The following LRRC38 variants were observed in gnomAD, a reference collection of about 807,000 sequenced individuals.
LRRC38 encodes leucine-rich repeat-containing protein 38.
Under a neutral mutation model 16.4 loss-of-function variants are expected in LRRC38, and 5 were observed. The ratio of observed to expected loss-of-function variants is 0.31; its 90% CI spans 0.16 to 0.64. The LOEUF (loss-of-function observed/expected upper bound fraction) is 0.64. Among genes scored for constraint, LRRC38 ranks in the 30% least tolerant of loss-of-function variants. The pLI is 0.80. For missense variants in LRRC38, 341 were observed against 401.8 expected, an observed-to-expected ratio of 0.85 and a Z score of 1.29; for synonymous variants, 191 against 190.2, an observed-to-expected ratio of 1.00 and a Z score of -0.04.
At chr1:13,505,408 G>A (rs1472838579) in intron 1 of LRRC38, among the ~76,000 whole-genome samples, 3 of 152,184 alleles carry the variant, frequency 2.0e-5, no homozygotes, top group African/African-American at 7.2e-5. Context: ...AAGGCAATCC[G>A]GATATGCTTT....
chr1:13,481,976 T>C (rs1030185180), intron 1 of LRRC38, among the ~76,000 whole-genome samples: 5 of 152,144 alleles, frequency 3.3e-5, no homozygotes, highest in Admixed American at 3.3e-4. Flanking sequence ...CACCAATCTA[T>C]GGTGTTTTCT....
At chr1:13,477,980 T>C (rs1481578972) in intron 1 of LRRC38, among the ~76,000 whole-genome samples, 1 of 152,180 alleles carries the variant, frequency 6.6e-6, no homozygotes, top group Non-Finnish European at 1.5e-5. Flanking sequence ...ATAAATATTA[T>C]GAACAGAGCC....
Position 13,513,567 on chromosome 1 carries a change from G to T in LRRC38, c.27C>A (p.Ala9=). The change falls in exon 1 of 2, where the codon GCC becomes GCA. Residue 9 remains alanine, a synonymous_variant. Transcript: ENST00000376085. The part of the protein sequence containing the change: MRPRAPAC[A]AAALGLCSLL... ...GGCTGCAGAGCCCGAGCGCCGCGGCGGCGCAGGCTGGGGCTCGGGGGCGCA... is the reference window on the plus strand; with the variant it reads ...GGCTGCAGAGCCCGAGCGCCGCGGCTGCGCAGGCTGGGGCTCGGGGGCGCA... 8.3e-7 allele frequency: 1 copy of T among 1,212,094 alleles called. No individual in the cohort carries two copies. The highest frequency in any genetic ancestry group is 4.0e-5 in the South Asian group (1 of 24,980). The allele number at this position is 1,212,094 out of a possible 1,614,324, so 75.1% of individuals were successfully genotyped here.
intron 1 of LRRC38, among the ~76,000 whole-genome samples, chr1:13,481,810 T>TCC (rs1638873355): frequency 1.4e-5 from 2 of 139,314 alleles, no homozygotes; most frequent in Non-Finnish European, 3.1e-5. Flanking sequence ...TCTCTCTCTC[T>TCC]CTCTCTCTCT....
intron 1 of LRRC38, among the ~76,000 whole-genome samples, chr1:13,485,889 C>T (rs1638926280): frequency 6.6e-6 from 1 of 152,194 alleles, no homozygotes; most frequent in African/African-American, 2.4e-5. Context: ...GGGCTCCCTC[C>T]AAAGGTTCTG....
chr1:13,481,454 T>C (rs2100490846), intron 1 of LRRC38, among the ~76,000 whole-genome samples: 1 of 151,624 alleles, frequency 6.6e-6, no homozygotes, highest in East Asian at 1.9e-4. Context: ...TGCACTGGCA[T>C]GATCTCGGCT....
chr1:13,494,048 G>A (rs529564082), intron 1 of LRRC38, among the ~76,000 whole-genome samples: 1 of 152,212 alleles, frequency 6.6e-6, no homozygotes, highest in Non-Finnish European at 1.5e-5. Flanking sequence ...GGGCAAGAGA[G>A]GGAGACTCTG....
chr1:13,475,393 A>C lies in LRRC38; in HGVS notation c.*453T>G. ...AAAGTTCTCGTTCTTGTGGTGAATGATCCGAATTTGAATCTCCACTGTTTG... is the reference window on the plus strand; with the variant it reads ...AAAGTTCTCGTTCTTGTGGTGAATGCTCCGAATTTGAATCTCCACTGTTTG... On this transcript the variant is annotated 3_prime_UTR_variant, in exon 2 of 2. Coordinates refer to ENST00000376085, the MANE Select transcript of LRRC38 (RefSeq NM_001010847.2). The surrounding 1 kb of genome is among the most constrained non-coding windows in gnomAD (Gnocchi z 4.3). 6.0e-6 allele frequency: 1 copy of C among 165,538 alleles called. No homozygotes were observed. The highest frequency in any genetic ancestry group is 5.6e-5 in the Admixed American group (1 of 17,780). 10.3% of individuals were successfully genotyped at this position (165,538 alleles called of 1,614,324 possible).
chr1:13,489,792 G>A (rs1428169725), intron 1 of LRRC38, among the ~76,000 whole-genome samples: 2 of 152,128 alleles, frequency 1.3e-5, no homozygotes, highest in East Asian at 3.9e-4. Flanking sequence ...GTTGCATACA[G>A]GGAAAATTCC....
At chr1:13,508,075 A>G (rs1639233173) in intron 1 of LRRC38, among the ~76,000 whole-genome samples, 1 of 151,948 alleles carries the variant, frequency 6.6e-6, no homozygotes, top group Non-Finnish European at 1.5e-5. Context: ...CGTCTCTACT[A>G]AAAATGCAAA....
intron 1 of LRRC38, among the ~76,000 whole-genome samples, chr1:13,478,286 C>T (rs1638811268): frequency 6.6e-6 from 1 of 152,140 alleles, no homozygotes; most frequent in South Asian, 2.1e-4. Flanking sequence ...AGATCTTGTT[C>T]TAATCACTAC....
At chr1:13,510,053 G>A (rs111665452) in intron 1 of LRRC38, among the ~76,000 whole-genome samples, 6 of 152,244 alleles carry the variant, frequency 3.9e-5, no homozygotes, top group East Asian at 3.9e-4. Context: ...GAAACACCAC[G>A]GTGCTCCCCA....
At chr1:13,506,241 G>A (rs1013561463) in intron 1 of LRRC38, among the ~76,000 whole-genome samples, 2 of 152,210 alleles carry the variant, frequency 1.3e-5, no homozygotes, top group African/African-American at 2.4e-5. Flanking sequence ...AGGGAATGGG[G>A]AGGAAGAAAG....
chr1:13,504,010 T>C (rs1410902501), intron 1 of LRRC38, among the ~76,000 whole-genome samples: 1 of 152,230 alleles, frequency 6.6e-6, no homozygotes, highest in Admixed American at 6.5e-5. Flanking sequence ...GATACTGCTG[T>C]CTGCGTGGGT....
At position 13,513,291 on chromosome 1, in the gene LRRC38, G is replaced by A; in HGVS notation, c.303C>T (p.Ser101=). Reference sequence around the variant, plus strand: ...CGAGGAACACGAGCTTGGCCGAGCCGCTGAACGTGCCCTCCTCCAGCGAGC... The same window carrying A: ...CGAGGAACACGAGCTTGGCCGAGCCACTGAACGTGCCCTCCTCCAGCGAGC... ...SLRSLEEGTF[S]GSAKLVFLDL... is the part of the protein sequence containing the mutation. The change falls in exon 1 of 2, where the codon AGC becomes AGT. Residue 101 remains serine (S), a synonymous_variant. Coordinates refer to ENST00000376085, the MANE Select transcript of LRRC38 (RefSeq NM_001010847.2). 6.4e-7 allele frequency: 1 copy of A among 1,550,772 alleles called. No homozygotes were observed. Among genetic ancestry groups the A allele is most frequent in the Non-Finnish European group, 8.7e-7 (1 of 1,147,030 alleles).
At chr1:13,485,543 G>A (rs977430968) in intron 1 of LRRC38, among the ~76,000 whole-genome samples, 20 of 152,000 alleles carry the variant, frequency 1.3e-4, no homozygotes, top group African/African-American at 4.8e-4. Context: ...ACTTCAGCCT[G>A]GGCGAGAGCG....
At chr1:13,493,267 G>C (rs940742125) in intron 1 of LRRC38, among the ~76,000 whole-genome samples, 14 of 152,022 alleles carry the variant, frequency 9.2e-5, no homozygotes, top group African/African-American at 3.1e-4. Context: ...GCGGGGCTCG[G>C]TGCTGCAGCA....
At chr1:13,500,563 TG>T (rs1452855186) in intron 1 of LRRC38, among the ~76,000 whole-genome samples, 1 of 152,240 alleles carries the variant, frequency 6.6e-6, no homozygotes, top group African/African-American at 2.4e-5. Context: ...CACTTCAAGT[TG>T]TCCCACCTTT....
At chr1:13,477,858 G>A (rs1638807288) in intron 1 of LRRC38, among the ~76,000 whole-genome samples, 1 of 152,066 alleles carries the variant, frequency 6.6e-6, no homozygotes, top group African/African-American at 2.4e-5. Context: ...CAGCATTCAG[G>A]GAACACAATG....
Sources: allele counts gnomAD v4.1 joint callset (sites outside exome capture counted in the v4.1 genomes callset), GRCh38; gene constraint gnomAD v4.1.1; non-coding constraint Gnocchi (gnomAD v3.1); transcripts MANE v1.5; gene names NCBI Gene and HGNC (gene_info 2026-07-23, HGNC 2026-07-21).